The following GRM7 variants were observed in gnomAD, a reference collection of about 807,000 sequenced individuals.
GRM7 encodes metabotropic glutamate receptor 7.
In GRM7, 35 loss-of-function variants were observed where a neutral mutation model predicts 84.5. The ratio of observed to expected loss-of-function variants is 0.41; its 90% confidence interval spans 0.32 to 0.55. The LOEUF (loss-of-function observed/expected upper bound fraction) is 0.55, where lower values mean the gene tolerates loss of function less well. Ranked by LOEUF, GRM7 falls within the 20% of genes least tolerant of loss-of-function variation. GRM7 has a pLI of 0.19. For missense variants in GRM7, 1,003 were observed against 1,194.6 expected (o/e 0.84, Z 2.36); for synonymous variants, 487 against 455.1 (o/e 1.07, Z -0.89).
chr3:7,734,247 C>CGG (rs3838613), intron 9 of GRM7, among the ~76,000 whole-genome samples: 905 of 82,176 alleles, frequency 0.011, 8 homozygotes, highest in African/African-American at 0.013. Flanking sequence ...TTGGCAGGGG[C>CGG]GGGGGGGGGG....
At chr3:7,577,014 T>C (rs1247576593) in intron 7 of GRM7, among the ~76,000 whole-genome samples, 1 of 152,220 alleles carries the variant, frequency 6.6e-6, no homozygotes, top group East Asian at 1.9e-4. Context: ...TTGGCTTCTT[T>C]CTCTAATAAA....
intron 1 of GRM7, among the ~76,000 whole-genome samples, chr3:7,056,513 C>T (rs111766864): frequency 1.3e-5 from 2 of 151,980 alleles, no homozygotes; most frequent in African/African-American, 4.8e-5. Flanking sequence ...ACATTTAGGA[C>T]CACAAAACAT....
chr3:7,100,610 T>G (rs1299430882), intron 1 of GRM7, among the ~76,000 whole-genome samples: 2 of 151,838 alleles, frequency 1.3e-5, no homozygotes, highest in African/African-American at 4.8e-5. Context: ...TTCTGTCATT[T>G]ATTTGGAAAT....
chr3:7,629,560 T>C (rs1697775178), intron 8 of GRM7, among the ~76,000 whole-genome samples: 1 of 152,160 alleles, frequency 6.6e-6, no homozygotes, highest in Admixed American at 6.6e-5. Flanking sequence ...TTGATCCCCT[T>C]ATAGGCTCTA....
intron 8 of GRM7, among the ~76,000 whole-genome samples, chr3:7,677,568 T>C (rs1253669265): frequency 1.3e-5 from 2 of 152,164 alleles, no homozygotes; most frequent in Non-Finnish European, 2.9e-5. Context: ...AAAAATATGA[T>C]TAGTGAAGTT....
At chr3:6,898,891 G>T (rs1237113272) in intron 1 of GRM7, among the ~76,000 whole-genome samples, 5 of 152,112 alleles carry the variant, frequency 3.3e-5, no homozygotes, top group Admixed American at 3.3e-4. Flanking sequence ...TGGTGAAGCT[G>T]GGTGCATGAC....
intron 8 of GRM7, among the ~76,000 whole-genome samples, chr3:7,666,779 A>G (rs1356157318): frequency 6.6e-6 from 1 of 152,154 alleles, no homozygotes; most frequent in East Asian, 1.9e-4. Context: ...CATATATTAT[A>G]TATTGCATTA....
intron 7 of GRM7, among the ~76,000 whole-genome samples, chr3:7,499,143 C>T (rs1699800413): frequency 6.6e-6 from 1 of 152,136 alleles, no homozygotes; most frequent in Non-Finnish European, 1.5e-5. Context: ...AACGGGGATG[C>T]CTTGGATATC....
chr3:7,110,018 G>A (rs1692789595), intron 1 of GRM7, among the ~76,000 whole-genome samples: 1 of 151,882 alleles, frequency 6.6e-6, no homozygotes, highest in Non-Finnish European at 1.5e-5. Context: ...ATGTACTTCA[G>A]TACATTTCTA....
intron 1 of GRM7, among the ~76,000 whole-genome samples, chr3:6,891,342 A>G (rs150273770): frequency 0.027 from 4,043 of 152,170 alleles, 197 homozygotes; most frequent in African/African-American, 0.09. Context: ...GGTCTTTACA[A>G]TTTGGCATGA....
intron 4 of GRM7, among the ~76,000 whole-genome samples, chr3:7,406,424 C>G (rs556500611): frequency 1.7e-4 from 26 of 151,398 alleles, no homozygotes; most frequent in African/African-American, 5.8e-4. Flanking sequence ...GGCGTGAACC[C>G]GGGGGACGGA....
intron 8 of GRM7, among the ~76,000 whole-genome samples, chr3:7,603,266 A>T (rs1411482328): frequency 6.6e-6 from 1 of 152,156 alleles, no homozygotes; most frequent in Admixed American, 6.6e-5. Context: ...AAAAAAAATC[A>T]GTCCATCAAA....
intron 1 of GRM7, among the ~76,000 whole-genome samples, chr3:6,885,885 A>G (rs574514060): frequency 4.6e-5 from 7 of 152,212 alleles, no homozygotes; most frequent in Non-Finnish European, 1.0e-4. Context: ...CAGTCTATTA[A>G]GTATTTTATA....
At chr3:7,067,133 C>G (rs1697694556) in intron 1 of GRM7, among the ~76,000 whole-genome samples, 1 of 151,904 alleles carries the variant, frequency 6.6e-6, no homozygotes, top group Non-Finnish European at 1.5e-5. Context: ...CCCACTCTCA[C>G]CGCTCCTCTT....
intron 6 of GRM7, among the ~76,000 whole-genome samples, chr3:7,458,581 C>T (rs1000019986): frequency 6.6e-6 from 1 of 152,018 alleles, no homozygotes; most frequent in Non-Finnish European, 1.5e-5. Context: ...TTTTTTAAAA[C>T]CGGAACTTTA....
At chr3:7,403,180 G>C (rs1480854356) in intron 4 of GRM7, 1 of 446,300 alleles carries the variant, frequency 2.2e-6, no homozygotes, top group Admixed American at 2.4e-5. Flanking sequence ...CTGGAGAAAT[G>C]GGTAGGTGCC....
At position 6,861,471 on chromosome 3, in the gene GRM7, T is replaced by A. The variant is rs1559290205; in HGVS notation, c.83T>A (p.Leu28Gln). The A allele has an allele frequency of 7.8e-7, 1 of 1,284,812 alleles. No homozygotes were observed. The highest frequency in any genetic ancestry group is 1.2e-5 in the South Asian group (1 of 83,572). 79.6% of individuals were successfully genotyped at this position (1,284,812 alleles called of 1,614,324 possible). A position where few individuals can be genotyped will look rare whatever the true frequency, so the allele number is the denominator to read the frequency against. ...GTGCTGGAGGTGCTCCTGTGCGCGCTGGCGGCGGCGGCGCGCGGCCAGGAG... is the reference window on the plus strand; with the variant it reads ...GTGCTGGAGGTGCTCCTGTGCGCGCAGGCGGCGGCGGCGCGCGGCCAGGAG... Reference protein sequence around the residue: ...CCVLEVLLCALAAAARGQEMY... With the variant: ...CCVLEVLLCAQAAAARGQEMY... Residue 28 changes from leucine to glutamine, a missense_variant, in exon 1 of 10, where the codon CTG becomes CAG. Leu to Gln is a moderately radical substitution (Grantham distance 113). Transcript: ENST00000357716. This position sits in a 1 kb window ranked among gnomAD's most constrained non-coding sequence, Gnocchi z 6.4.
rs752373965 is a variant in GRM7, at chr3:7,740,312, AAC to A, written c.2699-43_2699-42del. 8 of 1,264,110 alleles carry A rather than the reference AAC, an allele frequency of 6.3e-6. No individual in the cohort carries two copies. In the African/African-American group the frequency reaches 1.2e-4, roughly 19 times the overall value. 78.3% of individuals were successfully genotyped at this position (1,264,110 alleles called of 1,614,324 possible). The stretch of plus-strand genomic sequence containing the variant: ...TTCTAATTCTATTTCTACCTTTGCA[AAC>A]AGGGTTATTACTGCAACTGACACTT... On this transcript the variant is annotated intron_variant, in intron 9 of 9. Coordinates refer to ENST00000357716, the MANE Select transcript of GRM7 (RefSeq NM_000844.4).
At chr3:7,494,153 C>T (rs975741430) in intron 7 of GRM7, among the ~76,000 whole-genome samples, 4 of 152,152 alleles carry the variant, frequency 2.6e-5, no homozygotes, top group South Asian at 2.1e-4. Context: ...AAAGAGCTCT[C>T]TTTCAGAGAT....
Sources: gnomAD v4.1 joint callset for allele counts (sites outside exome capture counted in the v4.1 genomes callset) on GRCh38, gnomAD v4.1.1 for gene constraint, Gnocchi (gnomAD v3.1) non-coding constraint, MANE v1.5 for transcripts, NCBI Gene and HGNC (gene_info 2026-07-23, HGNC 2026-07-21) for gene names.